Variants in DNAH10 observed in about 807,000 individuals in gnomAD.
DNAH10 encodes axonemal beta dynein heavy chain 10.
Under a neutral mutation model 506.6 loss-of-function variants are expected in DNAH10, and 348 were observed. The observed-to-expected ratio is 0.69, with a 90% CI of 0.63 to 0.75. The LOEUF (loss-of-function observed/expected upper bound fraction) is 0.75, where lower values mean the gene tolerates loss of function less well. Among genes scored for constraint, DNAH10 ranks in the 30% least tolerant of loss-of-function variants. DNAH10 has a pLI of 0.00. For missense variants in DNAH10, 5,179 were observed against 5,787.1 expected (o/e 0.89, Z 3.41); for synonymous variants, 2,059 against 2,198.6 (o/e 0.94, Z 1.78).
intron 6 of DNAH10, among the ~76,000 whole-genome samples, chr12:123,782,006 C>A (rs565309181): frequency 1.3e-5 from 2 of 152,062 alleles, no homozygotes; most frequent in Non-Finnish European, 2.9e-5. Context: ...ATCATCTTGA[C>A]GTTTTCCTCC....
rs898618370 is a variant in DNAH10, at chr12:123,933,377, T to C, written c.13343T>C (p.Ile4448Thr). 30 of 1,610,230 alleles carry C rather than the reference T, an allele frequency of 1.9e-5. No individual in the cohort carries two copies. Among genetic ancestry groups the C allele is most frequent in the Non-Finnish European group, 2.5e-5 (29 of 1,179,190 alleles). Residue 4448 changes from isoleucine to threonine, a missense_variant, in exon 77 of 79, where the codon ATC (isoleucine) becomes ACC (threonine). Around this residue, in one of 3 missense-constraint regions of DNAH10, gnomAD observed 4,844 missense variants for 5,430.5 expected, o/e 0.89. Transcript: ENST00000673944. The part of the protein sequence containing the change: ...PSVMWLSGLH[I>T]PESYLTALVQ... Reference sequence around the variant, plus strand: ...GTGATGTGGCTCTCGGGGCTGCACATCCCTGAGTCCTACCTCACGGCGCTG... The same window carrying C: ...GTGATGTGGCTCTCGGGGCTGCACACCCCTGAGTCCTACCTCACGGCGCTG...
At chr12:123,861,253 A>C in intron 39 of DNAH10, 83 bp downstream of exon 39, 1 of 1,483,206 alleles carries the variant, frequency 6.7e-7, no homozygotes, top group Middle Eastern at 2.2e-4. Context: ...AGGACTATAC[A>C]TTGTAGCTTC....
chr12:123,931,963 T>C lies in DNAH10; in HGVS notation c.13151T>C (p.Met4384Thr). The C allele has an allele frequency of 1.9e-6, 3 of 1,614,058 alleles. No individual in the cohort carries two copies. Among genetic ancestry groups the C allele is most frequent in the Non-Finnish European group, 2.5e-6 (3 of 1,179,900 alleles). The change falls in exon 76 of 79, where the codon ATG becomes ACG. Residue 4384 changes from methionine to threonine, a missense_variant. By Grantham distance (81) the Met-to-Thr change is moderately conservative. Around this residue, in one of 3 missense-constraint regions of DNAH10, gnomAD observed 4,844 missense variants for 5,430.5 expected, o/e 0.89. Coordinates refer to ENST00000673944, the MANE Select transcript of DNAH10 (RefSeq NM_001372106.1). Reference sequence around the variant, plus strand: ...TAGGCCTTGGCTGGAGAAGTTGGAATGAGCAATGAGTTAGATGATGTGGCC... The same window carrying C: ...TAGGCCTTGGCTGGAGAAGTTGGAACGAGCAATGAGTTAGATGATGTGGCC... Reference protein sequence around the residue: ...LQRALAGEVGMSNELDDVARS... With the variant: ...LQRALAGEVGTSNELDDVARS...
rs764782311 is a variant in DNAH10, at chr12:123,845,633, G to A, written c.5394G>A (p.Val1798=). 8.1e-6 allele frequency: 13 copies of A among 1,613,368 alleles called. No individual in the cohort carries two copies. Among genetic ancestry groups the A allele is most frequent in the African/African-American group, 1.3e-5 (1 of 74,896 alleles). The change falls in exon 31 of 79, where the codon GTG becomes GTA. Residue 1798 remains valine (V), a synonymous_variant. Coordinates refer to ENST00000673944, the MANE Select transcript of DNAH10 (RefSeq NM_001372106.1). ...VDWMLLYQGM[V]VLAASQVWWT... ...GGATGCTCCTGTACCAGGGCATGGT[G>A]GTGCTGGCCGCTAGCCAGGTGTGGT...
Position 123,787,938 on chromosome 12 carries a change from A to T in DNAH10, c.1556A>T (p.Lys519Met), listed in dbSNP as rs1340363135. 1.2e-6 allele frequency: 2 copies of T among 1,604,466 alleles called. No homozygotes were observed. Among genetic ancestry groups the T allele is most frequent in the Non-Finnish European group, 1.7e-6 (2 of 1,175,748 alleles). The change falls in exon 10 of 79, where the codon AAG becomes ATG. Residue 519 changes from lysine (K) to methionine (M), a missense_variant. Lys to Met is a moderately conservative substitution (Grantham distance 95). Around this residue, in one of 3 missense-constraint regions of DNAH10, gnomAD observed 4,844 missense variants for 5,430.5 expected, o/e 0.89. Transcript: ENST00000673944. This position sits in a 1 kb window ranked among gnomAD's most constrained non-coding sequence, Gnocchi z 4.6. ...GREDRWEFDR[K>M]RLFERTDYMA... Reference sequence around the variant, plus strand: ...GAAGATCGGTGGGAGTTTGACCGGAAGCGGCTGTTCGAGAGGACGGATTAT... The same window carrying T: ...GAAGATCGGTGGGAGTTTGACCGGATGCGGCTGTTCGAGAGGACGGATTAT...
intron 41 of DNAH10, 146 bp downstream of exon 41, chr12:123,866,219 G>T: frequency 4.2e-6 from 1 of 237,692 alleles, no homozygotes; most frequent in Non-Finnish European, 7.8e-6. Context: ...GTGAAAACAT[G>T]GCAGACACAC....
chr12:123,799,520 A>G, intron 14 of DNAH10, 149 bp downstream of exon 14: 1 of 1,163,942 alleles, frequency 8.6e-7, no homozygotes, highest in Non-Finnish European at 1.2e-6. Context: ...GGAGAAAGGA[A>G]AGAGTGGAGA....
intron 49 of DNAH10, 74 bp downstream of exon 49, chr12:123,879,431 A>G (rs1459262591): frequency 6.6e-7 from 1 of 1,522,518 alleles, no homozygotes; most frequent in South Asian, 1.2e-5. Context: ...TGTTTTTTAT[A>G]TTAGGACGCG....
intron 29 of DNAH10, among the ~76,000 whole-genome samples, chr12:123,839,662 ATT>A (rs34822711): frequency 7.0e-5 from 8 of 114,810 alleles, no homozygotes; most frequent in African/African-American, 1.3e-4. Flanking sequence ...TTTCTTTTCT[ATT>A]TTTTTTTTTT....
intron 48 of DNAH10, among the ~76,000 whole-genome samples, chr12:123,878,862 G>T (rs1952374916): frequency 6.6e-6 from 1 of 152,170 alleles, no homozygotes; most frequent in Admixed American, 6.5e-5. Context: ...TTGTGCCAAT[G>T]CACCAGCCTG....
chr12:123,905,411 G>T (rs1166620087), intron 57 of DNAH10, among the ~76,000 whole-genome samples: 2 of 152,146 alleles, frequency 1.3e-5, no homozygotes, highest in African/African-American at 4.8e-5. Flanking sequence ...TGGGTCCCAG[G>T]GTGTAGGCAT....
chr12:123,782,534 C>A (rs1957704190), intron 6 of DNAH10, among the ~76,000 whole-genome samples: 1 of 150,846 alleles, frequency 6.6e-6, no homozygotes, highest in African/African-American at 2.4e-5. Flanking sequence ...ACCTCAGTCT[C>A]CCAAGTAGCT....
rs146604271 is a variant in DNAH10 at position 123,766,287 on chromosome 12, G to GCCTA, written c.215-1295_215-1292dup. 8.0e-3 allele frequency among the ~76,000 whole-genome samples: 1,199 copies of GCCTA among 150,600 alleles called. 17 individuals are homozygous for GCCTA. Among genetic ancestry groups the GCCTA allele is most frequent in the African/African-American group, 0.028 (1,126 of 40,842 alleles). On this transcript the variant is annotated intron_variant, in intron 1 of 78. Transcript: ENST00000673944. ...CAGGGCTGTTGAGATCAATTAATCA[G>GCCTA]CCTACCTACCTACCTACCTACCTAC...
chr12:123,923,840 CAAG>C lies in DNAH10; in HGVS notation c.11590_11592del (p.Glu3864del). The C allele has an allele frequency of 6.2e-7, 1 of 1,611,440 alleles. No individual in the cohort carries two copies. The highest frequency in any genetic ancestry group is 8.5e-7 in the Non-Finnish European group (1 of 1,179,204). ...AGAACAAGCAGAAGGGAGAGTCCCT[CAAG>C]AAGAACTAGATTTCTTTTTAAAAGG... is the stretch of plus-strand genomic sequence containing the variant. On this transcript the variant is annotated inframe_deletion, in exon 66 of 79. Coordinates refer to ENST00000673944, the MANE Select transcript of DNAH10 (RefSeq NM_001372106.1).
At chr12:123,923,230 A>AGTTTT (rs1457758442) in intron 65 of DNAH10, 4 of 152,242 alleles carry the variant, frequency 2.6e-5, no homozygotes, top group Admixed American at 6.5e-5. Context: ...TTGTAAATAA[A>AGTTTT]GTTTTATTGG....
intron 73 of DNAH10, 122 bp from the exon 74 acceptor site, chr12:123,931,219 A>G: frequency 7.0e-7 from 1 of 1,436,882 alleles, no homozygotes. Flanking sequence ...TCAAAAAAAA[A>G]AAAAGTCACC....
chr12:123,857,170 C>G lies in DNAH10; in HGVS notation c.6553C>G (p.Arg2185Gly). ...SDLFPGLDCP[R>G]VRYPDFNDAV... ...TCTGTTTCCTGGGCTGGACTGCCCT[C>G]GCGTCCGCTACCCTGACTTCAACGA... The change falls in exon 37 of 79, where the codon CGC becomes GGC. Residue 2185 changes from arginine (R) to glycine (G), a missense_variant. Physicochemically the swap from Arg to Gly is moderately radical, Grantham distance 125 (BLOSUM62 -2). Transcript: ENST00000673944. 6.2e-7 allele frequency: 1 copy of G among 1,609,708 alleles called. No individual in the cohort carries two copies. The highest frequency in any genetic ancestry group is 8.5e-7 in the Non-Finnish European group (1 of 1,178,116).
In DNAH10 at chr12:123,839,228, A is replaced by C. The variant is rs190148425; in HGVS notation, c.5136+539A>C. On this transcript the variant is annotated intron_variant, in intron 29 of 78. Coordinates refer to ENST00000673944, the MANE Select transcript of DNAH10 (RefSeq NM_001372106.1). ...CTTTTTATAAACTAAAAAAAAAAAAAAAACAAAAAAACCAGAAATATATGA... is the reference window on the plus strand; with the variant it reads ...CTTTTTATAAACTAAAAAAAAAAAACAAACAAAAAAACCAGAAATATATGA... Among the ~76,000 whole-genome samples, 23 of 151,996 alleles carry C rather than the reference A, an allele frequency of 1.5e-4. 1 individual carries two copies. Among genetic ancestry groups the C allele is most frequent in the Middle Eastern group, 3.4e-3 (1 of 292 alleles).
At chr12:123,789,859 A>G in intron 10 of DNAH10, 68 bp from the exon 11 acceptor site, 6 of 1,433,112 alleles carry the variant, frequency 4.2e-6, no homozygotes, top group Non-Finnish European at 4.8e-6. Flanking sequence ...TATGCTATCC[A>G]TTTGTAGTTC....
Sources: gnomAD v4.1 joint callset for allele counts (sites outside exome capture counted in the v4.1 genomes callset) on GRCh38, gnomAD v4.1.1 for gene constraint, gnomAD v4.1.1 regional missense constraint, Gnocchi (gnomAD v3.1) non-coding constraint, MANE v1.5 for transcripts, NCBI Gene and HGNC (gene_info 2026-07-23, HGNC 2026-07-21) for gene names.